The following CNKSR2 variants were observed in gnomAD, a reference collection of about 807,000 sequenced individuals.
CNKSR2 encodes the protein CNK homolog protein 2.
A neutral mutation model predicts 84.4 loss-of-function variants in CNKSR2; 14 were observed. The observed-to-expected ratio is 0.17, with a 90% CI of 0.11 to 0.26. The LOEUF (loss-of-function observed/expected upper bound fraction) is 0.26, where lower values mean the gene tolerates loss of function less well. Ranked by LOEUF, CNKSR2 falls within the 10% of genes least tolerant of loss-of-function variation. The pLI, the probability that CNKSR2 is intolerant of heterozygous loss-of-function variation, is 1.00. For missense variants in CNKSR2, 485 were observed against 771.2 expected, an observed-to-expected ratio of 0.63 and a Z score of 4.40; for synonymous variants, 275 against 277.9, an observed-to-expected ratio of 0.99 and a Z score of 0.10.
At chrX:21,434,450 C>T (rs2090677354) in intron 3 of CNKSR2, among the ~76,000 whole-genome samples, 1 of 111,493 alleles carries the variant, frequency 9.0e-6, no homozygotes, top group Admixed American at 9.6e-5. Flanking sequence ...TGTGCATGCA[C>T]ACCTACAAAA....
At chrX:21,383,276 C>G (rs1010521728) in intron 1 of CNKSR2, among the ~76,000 whole-genome samples, 2 of 112,360 alleles carry the variant, frequency 1.8e-5, no homozygotes, top group African/African-American at 6.4e-5. Flanking sequence ...ATCATTAATT[C>G]TAATGGAAGT....
At chrX:21,420,098 C>T (rs1290599653) in intron 1 of CNKSR2, among the ~76,000 whole-genome samples, 2 of 112,410 alleles carry the variant, frequency 1.8e-5, no homozygotes, top group Non-Finnish European at 3.8e-5. Context: ...TGATCTGACA[C>T]TCAAACCACA....
intron 20 of CNKSR2, among the ~76,000 whole-genome samples, chrX:21,628,033 G>C (rs1232747532): frequency 9.0e-6 from 1 of 111,626 alleles, no homozygotes; most frequent in African/African-American, 3.3e-5. Context: ...AGATACACTG[G>C]GGGGTACAGG....
chrX:21,569,598 C>A (rs1474829041), intron 13 of CNKSR2, among the ~76,000 whole-genome samples: 1 of 112,020 alleles, frequency 8.9e-6, no homozygotes, highest in Non-Finnish European at 1.9e-5. Flanking sequence ...TTGACCTCCT[C>A]CTGTGAATCA....
chrX:21,538,339 C>G (rs1008084915), intron 11 of CNKSR2: 1 of 111,618 alleles, frequency 9.0e-6, no homozygotes, highest in Non-Finnish European at 1.9e-5. Flanking sequence ...TGATCTGACA[C>G]TTTTTTCTTA....
intron 6 of CNKSR2, chrX:21,494,994 C>T (rs1322983220): frequency 1.8e-5 from 2 of 111,883 alleles, no homozygotes; most frequent in Non-Finnish European, 3.8e-5. Flanking sequence ...AATATCAATC[C>T]CAGTTATTCT....
At chrX:21,614,602 C>T (rs1208549058) in intron 20 of CNKSR2, among the ~76,000 whole-genome samples, 1 of 110,538 alleles carries the variant, frequency 9.0e-6, no homozygotes, top group Non-Finnish European at 1.9e-5. Flanking sequence ...AACAGAAAAA[C>T]CTAGAAAGTA....
chrX:21,559,752 G>A (rs1240285344), intron 11 of CNKSR2, among the ~76,000 whole-genome samples: 2 of 111,552 alleles, frequency 1.8e-5, no homozygotes, highest in South Asian at 7.5e-4. Context: ...GTGTAAAAGA[G>A]CAGAGATATA....
intron 1 of CNKSR2, among the ~76,000 whole-genome samples, chrX:21,404,583 G>A (rs2090236869): frequency 9.2e-6 from 1 of 109,195 alleles, no homozygotes; most frequent in African/African-American, 3.3e-5. Context: ...GAAGTCAGGA[G>A]TTTGAGACCA....
Position 21,563,397 on chromosome X carries a change from A to G in CNKSR2, c.1553A>G (p.Asp518Gly). ...TCATTGCTACCTAGTTTACAAATGG[A>G]TGCACTGAGACAAGACATCATGGGC... ...HYSLLPSLQM[D>G]ALRQDIMGTP... is the part of the protein sequence containing the mutation. Residue 518 changes from aspartate to glycine, a missense_variant, in exon 13 of 22, where the codon GAT becomes GGT. By Grantham distance (94) the Asp-to-Gly change is moderately conservative. Around this residue, in one of 5 missense-constraint regions of CNKSR2, gnomAD observed 132 missense variants for 166.7 expected, o/e 0.79. Transcript: ENST00000379510. 8.3e-7 allele frequency: 1 copy of G among 1,210,672 alleles called. No individual in the cohort carries two copies. Among genetic ancestry groups the G allele is most frequent in the Non-Finnish European group, 1.1e-6 (1 of 894,632 alleles).
chrX:21,484,909 C>T (rs998854270), intron 5 of CNKSR2, among the ~76,000 whole-genome samples: 2 of 111,627 alleles, frequency 1.8e-5, no homozygotes, highest in Non-Finnish European at 3.8e-5. Context: ...GCTGGCCAGG[C>T]GTGGTGGCTC....
At chrX:21,546,767 G>C (rs112975067) in intron 11 of CNKSR2, among the ~76,000 whole-genome samples, 3,090 of 110,920 alleles carry the variant, frequency 0.028, 117 homozygotes, top group African/African-American at 0.095. Flanking sequence ...AGAGTGGGGG[G>C]CAACATTCAA....
intron 3 of CNKSR2, among the ~76,000 whole-genome samples, chrX:21,433,694 A>ACACACG (rs1491034030): frequency 3.7e-5 from 4 of 107,002 alleles, no homozygotes; most frequent in African/African-American, 1.4e-4. Context: ...ACACACACAC[A>ACACACG]CGCCAGTATT....
At chrX:21,598,925 A>G (rs1052343575) in intron 17 of CNKSR2, among the ~76,000 whole-genome samples, 19 of 112,890 alleles carry the variant, frequency 1.7e-4, no homozygotes, top group African/African-American at 6.1e-4. Flanking sequence ...TAACAAGTAA[A>G]TCAGTAAGTA....
chrX:21,419,713 CTT>C (rs1416773735), intron 1 of CNKSR2, among the ~76,000 whole-genome samples: 2 of 111,850 alleles, frequency 1.8e-5, no homozygotes, highest in African/African-American at 6.5e-5. Context: ...CTGGCAGAGA[CTT>C]TTGTTCTCTT....
At chrX:21,407,124 A>G (rs766779620) in intron 1 of CNKSR2, among the ~76,000 whole-genome samples, 1 of 111,713 alleles carries the variant, frequency 9.0e-6, no homozygotes, top group African/African-American at 3.2e-5. Flanking sequence ...TGGAATATAG[A>G]TTAGAACTAT....
chrX:21,426,922 G>A, intron 2 of CNKSR2: 1 of 330,537 alleles, frequency 3.0e-6, no homozygotes, highest in Non-Finnish European at 5.2e-6. Flanking sequence ...TGTCTCATAA[G>A]CAGGGCTCTT....
chrX:21,445,936 C>T (rs943290367), intron 4 of CNKSR2, among the ~76,000 whole-genome samples: 4 of 111,009 alleles, frequency 3.6e-5, no homozygotes, highest in African/African-American at 1.3e-4. Flanking sequence ...TTGGACATAC[C>T]GATTTCCTTT....
intron 20 of CNKSR2, among the ~76,000 whole-genome samples, chrX:21,648,544 AG>A (rs1190670290): frequency 1.8e-5 from 2 of 110,961 alleles, no homozygotes; most frequent in African/African-American, 6.5e-5. Flanking sequence ...TGCTATCAAG[AG>A]TATATTTGGT....
Sources: allele counts gnomAD v4.1 joint callset (sites outside exome capture counted in the v4.1 genomes callset), GRCh38; gene constraint gnomAD v4.1.1; regional missense constraint gnomAD v4.1.1; transcripts MANE v1.5; gene names NCBI Gene and HGNC (gene_info 2026-07-23, HGNC 2026-07-21).